Variants in FOXO3 observed in about 807,000 individuals in gnomAD.
FOXO3 encodes the protein forkhead box protein O3.
Under a neutral mutation model 41.9 loss-of-function variants are expected in FOXO3, and 4 were observed. The ratio of observed to expected loss-of-function variants is 0.10; its 90% CI spans 0.05 to 0.22. FOXO3 has a LOEUF of 0.22. Among genes scored for constraint, FOXO3 ranks in the 10% least tolerant of loss-of-function variants. The probability of loss-of-function intolerance (pLI) is 1.00; values close to 1 mark genes in which losing one functional copy is unlikely to be tolerated. For synonymous variants in FOXO3, 318 were observed against 389.3 expected (o/e 0.82, Z 2.16); for missense variants, 534 against 906.8 (o/e 0.59, Z 5.28).
intron 1 of FOXO3, among the ~76,000 whole-genome samples, chr6:108,639,820 C>G (rs1294042927): frequency 6.6e-6 from 1 of 152,146 alleles, no homozygotes; most frequent in Non-Finnish European, 1.5e-5. Context: ...TATAGCATAA[C>G]ACTGTAGATT....
At chr6:108,663,100 C>T (rs569809489) in intron 1 of FOXO3, among the ~76,000 whole-genome samples, 24 of 152,266 alleles carry the variant, frequency 1.6e-4, no homozygotes, top group African/African-American at 4.8e-4. Context: ...TTGGCCAGCA[C>T]GGTGGCTCAT....
intron 1 of FOXO3, among the ~76,000 whole-genome samples, chr6:108,618,578 A>T (rs1310787988): frequency 6.6e-6 from 1 of 152,236 alleles, no homozygotes; most frequent in Non-Finnish European, 1.5e-5. Flanking sequence ...ATGTAGCCCG[A>T]GTACTTATCT....
At chr6:108,605,422 A>AT (rs201943941) in intron 1 of FOXO3, among the ~76,000 whole-genome samples, 29 of 151,836 alleles carry the variant, frequency 1.9e-4, no homozygotes, top group East Asian at 7.7e-4. Flanking sequence ...CAGTCCTACT[A>AT]TTTTTTTTCA....
chr6:108,561,711 G>T lies in FOXO3; in HGVS notation c.503G>T (p.Arg168Leu). ...CTGTCCTACGCGGACCTGATCACCC[G>T]CGCCATCGAGAGCTCCCCGGACAAA... ...GNLSYADLIT[R>L]AIESSPDKRL... Residue 168 changes from arginine to leucine, a missense_variant, in exon 1 of 3, where the codon CGC (arginine) becomes CTC (leucine). Physicochemically the swap from Arg to Leu is moderately radical, Grantham distance 102. This residue lies in a region of FOXO3 where 77 missense variants were observed against 193.2 expected (regional missense o/e 0.40). Coordinates refer to ENST00000406360, the MANE Select transcript of FOXO3 (RefSeq NM_001455.4). 1 of 1,612,066 alleles carries T rather than the reference G, an allele frequency of 6.2e-7. No individual in the cohort carries two copies. The highest frequency in any genetic ancestry group is 1.1e-5 in the South Asian group (1 of 90,920).
intron 2 of FOXO3, among the ~76,000 whole-genome samples, chr6:108,678,250 AGATGTATATAATGT>A (rs1473261928): frequency 6.6e-6 from 1 of 152,230 alleles, no homozygotes; most frequent in African/African-American, 2.4e-5. Flanking sequence ...TGGGAGAAGC[AGATGTATATAATGT>A]GATTTTGTGT....
intron 2 of FOXO3, among the ~76,000 whole-genome samples, chr6:108,667,499 T>C (rs1236849324): frequency 6.6e-6 from 1 of 152,204 alleles, no homozygotes; most frequent in African/African-American, 2.4e-5. Context: ...CAGAAGACAA[T>C]GTAGTATCAG....
At chr6:108,613,546 C>A (rs1481185235) in intron 1 of FOXO3, among the ~76,000 whole-genome samples, 6 of 152,052 alleles carry the variant, frequency 3.9e-5, no homozygotes. Context: ...TCTTATTATC[C>A]TTTTAATAGA....
intron 1 of FOXO3, among the ~76,000 whole-genome samples, chr6:108,655,060 T>A (rs538408965): frequency 6.6e-6 from 1 of 152,322 alleles, no homozygotes; most frequent in South Asian, 2.1e-4. Context: ...CTAAGGAAAT[T>A]ACAAGGATCA....
intron 1 of FOXO3, among the ~76,000 whole-genome samples, chr6:108,632,969 T>A (rs982863071): frequency 3.9e-5 from 6 of 152,180 alleles, no homozygotes; most frequent in African/African-American, 1.2e-4. Flanking sequence ...TGCCACCACT[T>A]GTAAATTTTT....
chr6:108,575,455 T>C (rs1213539985), intron 1 of FOXO3, among the ~76,000 whole-genome samples: 1 of 151,772 alleles, frequency 6.6e-6, no homozygotes, highest in Non-Finnish European at 1.5e-5. Flanking sequence ...TTTCATAGAG[T>C]AAAACACTTT....
intron 1 of FOXO3, among the ~76,000 whole-genome samples, chr6:108,620,972 C>G (rs912992949): frequency 2.0e-5 from 3 of 152,094 alleles, no homozygotes; most frequent in African/African-American, 4.8e-5. Flanking sequence ...ATTAAAATGC[C>G]TATTTAAGTC....
At chr6:108,646,889 A>G (rs1385717020) in intron 1 of FOXO3, among the ~76,000 whole-genome samples, 1 of 152,224 alleles carries the variant, frequency 6.6e-6, no homozygotes, top group Non-Finnish European at 1.5e-5. Flanking sequence ...TCCAACATAA[A>G]AGAAAGAGAT....
At chr6:108,594,280 T>C (rs1484013306) in intron 1 of FOXO3, among the ~76,000 whole-genome samples, 2 of 152,106 alleles carry the variant, frequency 1.3e-5, no homozygotes, top group Non-Finnish European at 2.9e-5. Context: ...TTAATAACTT[T>C]AGAGAAAAAA....
chr6:108,604,868 GT>G (rs1777150032), intron 1 of FOXO3, among the ~76,000 whole-genome samples: 2 of 152,124 alleles, frequency 1.3e-5, no homozygotes, highest in Admixed American at 6.5e-5. Context: ...AAGCCTTCCC[GT>G]TTTGTGACTT....
intron 1 of FOXO3, among the ~76,000 whole-genome samples, chr6:108,663,025 T>C (rs1778915976): frequency 6.6e-6 from 1 of 152,206 alleles, no homozygotes; most frequent in African/African-American, 2.4e-5. Context: ...CATATATGTG[T>C]CTTTTTGAAT....
intron 1 of FOXO3, among the ~76,000 whole-genome samples, chr6:108,640,048 G>A (rs906000370): frequency 3.3e-5 from 5 of 152,206 alleles, no homozygotes; most frequent in African/African-American, 1.2e-4. Context: ...TAAACATGGA[G>A]CACCTGCTCC....
chr6:108,636,730 C>A lies in FOXO3; in HGVS notation c.622-26725C>A, dbSNP rs145514005. Among the ~76,000 whole-genome samples, 749 of 152,178 alleles carry A rather than the reference C, an allele frequency of 4.9e-3. 2 individuals are homozygous for A. The highest frequency in any genetic ancestry group is 0.014 in the Middle Eastern group (4 of 294). On this transcript the variant is annotated intron_variant, in intron 1 of 2. Transcript: ENST00000406360. ...ATAAGGGACCTTCCTTTGACATATGCCAGGTGAGAAACCACAGGAAGCAAA... is the reference window on the plus strand; with the variant it reads ...ATAAGGGACCTTCCTTTGACATATGACAGGTGAGAAACCACAGGAAGCAAA...
At chr6:108,583,646 A>G (rs1776495632) in intron 1 of FOXO3, among the ~76,000 whole-genome samples, 1 of 152,188 alleles carries the variant, frequency 6.6e-6, no homozygotes, top group South Asian at 2.1e-4. Context: ...GTAACTATTA[A>G]AGTCTGATAA....
At chr6:108,570,851 T>C (rs2128356937) in intron 1 of FOXO3, among the ~76,000 whole-genome samples, 1 of 152,256 alleles carries the variant, frequency 6.6e-6, no homozygotes, top group Non-Finnish European at 1.5e-5. Context: ...AAAAGGAAAA[T>C]TTAGGAGAGG....
Sources: allele counts gnomAD v4.1 joint callset (sites outside exome capture counted in the v4.1 genomes callset), GRCh38; gene constraint gnomAD v4.1.1; regional missense constraint gnomAD v4.1.1; transcripts MANE v1.5; gene names NCBI Gene and HGNC (gene_info 2026-07-23, HGNC 2026-07-21).